Variants in HOXA10 observed in about 807,000 individuals in gnomAD.
The protein encoded by HOXA10 is homeobox A10.
Under a neutral mutation model 29.7 loss-of-function variants are expected in HOXA10, and 12 were observed. The observed-to-expected ratio is 0.40, with a 90% CI of 0.26 to 0.65. HOXA10 has a LOEUF of 0.65. Ranked by LOEUF, HOXA10 falls within the 30% of genes least tolerant of loss-of-function variation. The pLI is 0.37. For synonymous variants in HOXA10, 327 were observed against 280.7 expected (o/e 1.16, Z -1.65); for missense variants, 656 against 585.9 (o/e 1.12, Z -1.24).
Position 27,173,521 on chromosome 7 carries a change from A to G in HOXA10, c.786T>C (p.Asp262=), listed in dbSNP as rs1783566060. Residue 262 remains aspartate (D), a synonymous_variant, in exon 1 of 2, where the codon GAT becomes GAC. Transcript: ENST00000283921. ...CGAGGGCTCGCTCCTTCCGGGCCGC[A>G]TCGGCCGAGCCGGAGGCTAGCGCGG... ...LPPALASGSA[D]AARKERALDS... The G allele has an allele frequency of 1.4e-6, 2 of 1,463,352 alleles. No individual in the cohort carries two copies. Among genetic ancestry groups the G allele is most frequent in the Non-Finnish European group, 1.8e-6 (2 of 1,116,622 alleles). The allele number at this position is 1,463,352 out of a possible 1,614,324, so 90.6% of individuals were successfully genotyped here. A position where few individuals can be genotyped will look rare whatever the true frequency, so the allele number is the denominator to read the frequency against.
upstream of HOXA10, among the ~76,000 whole-genome samples, chr7:27,179,246 G>A (rs1583437728): frequency 4.6e-5 from 7 of 151,874 alleles, no homozygotes; most frequent in South Asian, 1.5e-3. Context: ...CGCCTTAGCG[G>A]CCGCAGACTT....
In HOXA10 at chr7:27,171,868, A is replaced by G; in HGVS notation, c.*31T>C. 1 of 1,613,190 alleles carries G rather than the reference A, an allele frequency of 6.2e-7. No individual in the cohort carries two copies. Among genetic ancestry groups the G allele is most frequent in the Non-Finnish European group, 8.5e-7 (1 of 1,179,234 alleles). On this transcript the variant is annotated 3_prime_UTR_variant, in exon 2 of 2. Transcript: ENST00000283921. ...CAGAGGGAGGGGACCAGCGCTCGGG[A>G]AGTGAAAAAACCGCGTCGCCTGGAG... is the stretch of plus-strand genomic sequence containing the variant.
In HOXA10 at chr7:27,173,603, T is replaced by G; in HGVS notation, c.704A>C (p.Gln235Pro). The change falls in exon 1 of 2, where the codon CAA becomes CCA. Residue 235 changes from glutamine (Q) to proline (P), a missense_variant. Transcript: ENST00000283921. ...CGCGGGGAACGGGCCAGCCCCGAGT[T>G]GCTGCGCGCCGCCGCCGCCGCTGCC... ...GYGSGGGGAQ[Q>P]LGAGPFPAQP... 6.5e-7 allele frequency: 1 copy of G among 1,531,352 alleles called. No homozygotes were observed. 94.9% of individuals were successfully genotyped at this position (1,531,352 alleles called of 1,614,324 possible). A position where few individuals can be genotyped will look rare whatever the true frequency, so the allele number is the denominator to read the frequency against.
At chr7:27,173,173 G>T (rs1783547060) in intron 1 of HOXA10, among the ~76,000 whole-genome samples, 176 bp downstream of exon 1, 2 of 152,250 alleles carry the variant, frequency 1.3e-5, no homozygotes, top group South Asian at 4.1e-4. Flanking sequence ...AGCCGGACAT[G>T]AATTTTACTG....
chr7:27,176,789 A>G (rs193276010), upstream of HOXA10, among the ~76,000 whole-genome samples: 48 of 152,370 alleles, frequency 3.2e-4, 1 homozygote, highest in Admixed American at 2.9e-3. Flanking sequence ...AGTAAAAGAC[A>G]ATGATCTTAA....
chr7:27,173,532 C>A lies in HOXA10; in HGVS notation c.775G>T (p.Gly259Cys). The A allele has an allele frequency of 1.4e-6, 2 of 1,455,256 alleles. No homozygotes were observed. Among genetic ancestry groups the A allele is most frequent in the Non-Finnish European group, 1.8e-6 (2 of 1,112,612 alleles). The allele number at this position is 1,455,256 out of a possible 1,614,324, so 90.1% of individuals were successfully genotyped here. ...TCCTTCCGGGCCGCATCGGCCGAGC[C>A]GGAGGCTAGCGCGGGCGGGAGATCG... ...GFDLPPALAS[G>C]SADAARKERA... Residue 259 changes from glycine to cysteine, a missense_variant, in exon 1 of 2, where the codon GGC (glycine) becomes TGC (cysteine). Transcript: ENST00000283921.
At chr7:27,177,520 C>T (rs139065674), upstream of HOXA10, among the ~76,000 whole-genome samples, 57 of 152,260 alleles carry the variant, frequency 3.7e-4, no homozygotes, top group African/African-American at 1.3e-3. Flanking sequence ...TCAAGTTAAA[C>T]GCCTCCTTGG....
rs1362891672 is a variant in HOXA10 at position 27,173,866 on chromosome 7, T to TGGTTGCGGC, written c.432_440dup (p.Pro148_Pro150dup). 2.5e-6 allele frequency: 4 copies of TGGTTGCGGC among 1,597,364 alleles called. No individual in the cohort carries two copies. The highest frequency in any genetic ancestry group is 3.4e-6 in the Non-Finnish European group (4 of 1,173,246). ...AGGTGGCCTGCGGCGCTGGCTGGGG[T>TGGTTGCGGC]GGTTGCGGCGGGGGCGGCGGCTGCT... On this transcript the variant is annotated inframe_insertion, in exon 1 of 2. Coordinates refer to ENST00000283921, the MANE Select transcript of HOXA10 (RefSeq NM_018951.4).
intron 1 of HOXA10, 151 bp downstream of exon 1, chr7:27,173,198 A>G: frequency 1.5e-6 from 2 of 1,306,664 alleles, no homozygotes; most frequent in Non-Finnish European, 2.1e-6. Flanking sequence ...CCCACGCCCA[A>G]ATATTAAAAA....
chr7:27,173,647 G>T lies in HOXA10; in HGVS notation c.660C>A (p.Tyr220Ter). Residue 220 changes from tyrosine (Y) to a stop codon, truncating the protein, a stop_gained, in exon 1 of 2, where the codon TAC becomes TAA. Transcript: ENST00000283921. LOFTEE classifies it high-confidence loss of function. Reference protein sequence around the residue: ...VPGYFRLSQAYGTAKGYGSGG... With the variant: ...VPGYFRLSQA ...CGCTGCCATAGCCCTTGGCGGTGCC[G>T]TAGGCCTGAGAAAGGCGGAAGTAGC... 6.5e-7 allele frequency: 1 copy of T among 1,546,744 alleles called. No homozygotes were observed.
At position 27,170,761 on chromosome 7, in the gene HOXA10, A is replaced by G. The variant is rs1022800895; in HGVS notation, c.*1138T>C. 3 of 449,884 alleles carry G rather than the reference A, an allele frequency of 6.7e-6. No individual in the cohort carries two copies. The Admixed American group carries it at 7.2e-5, about 11-fold the overall frequency. 27.9% of individuals were successfully genotyped at this position (449,884 alleles called of 1,614,324 possible). A position where few individuals can be genotyped will look rare whatever the true frequency, so the allele number is the denominator to read the frequency against. ...ATAGAATGCATTTGCTTAAAACAAG[A>G]TTGGCAATTCTTCATAATAATAGAC... On this transcript the variant is annotated 3_prime_UTR_variant, in exon 2 of 2. Coordinates refer to ENST00000283921, the MANE Select transcript of HOXA10 (RefSeq NM_018951.4).
chr7:27,173,082 G>C (rs747462685), intron 1 of HOXA10: 1 of 557,172 alleles, frequency 1.8e-6, no homozygotes, highest in African/African-American at 1.9e-5. Context: ...GCGCACAGGA[G>C]GGGGCCTGCT....
Position 27,173,968 on chromosome 7 carries a change from C to T in HOXA10, c.339G>A (p.Ser113=). 1.3e-6 allele frequency: 2 copies of T among 1,529,054 alleles called. No individual in the cohort carries two copies. Among genetic ancestry groups the T allele is most frequent in the Non-Finnish European group, 1.8e-6 (2 of 1,141,964 alleles). The allele number at this position is 1,529,054 out of a possible 1,614,324, so 94.7% of individuals were successfully genotyped here. A position where few individuals can be genotyped will look rare whatever the true frequency, so the allele number is the denominator to read the frequency against. Residue 113 remains serine (S), a synonymous_variant, in exon 1 of 2, where the codon TCG becomes TCA. Coordinates refer to ENST00000283921, the MANE Select transcript of HOXA10 (RefSeq NM_018951.4). ...GCGCGTCTAGCCACAGGTCTATGGG[C>T]GAGGGCCCGTAGCCGTGCGCCCCGG... ...LGPGAHGYGP[S]PIDLWLDAPR...
rs1425221169 is a variant in HOXA10, at chr7:27,174,214, G to A, written c.93C>T (p.Val31=). ...CTCTGCCCGAGCTGATGAGCGAGTC[G>A]ACCAAAAAAGAGTTCGCGGCGGGGC... ...SESPAANSFL[V]DSLISSGRGE... The change falls in exon 1 of 2, where the codon GTC becomes GTT. Residue 31 remains valine, a synonymous_variant. Transcript: ENST00000283921. 6.2e-7 allele frequency: 1 copy of A among 1,601,352 alleles called. No homozygotes were observed. The highest frequency in any genetic ancestry group is 8.5e-7 in the Non-Finnish European group (1 of 1,179,826).
At position 27,170,811 on chromosome 7, in the gene HOXA10, T is replaced by G. The variant is rs79213620; in HGVS notation, c.*1088A>C. 1.0e-4 allele frequency: 45 copies of G among 430,600 alleles called. 2 individuals carry two copies. The highest frequency in any genetic ancestry group is 6.0e-4 in the South Asian group (37 of 62,148). 26.7% of individuals were successfully genotyped at this position (430,600 alleles called of 1,614,324 possible). ...CATTTATACAGATTTGTATTTATAG[T>G]TTTTTTCTTTTTCTGCATCTACAGG... is the stretch of plus-strand genomic sequence containing the variant. On this transcript the variant is annotated 3_prime_UTR_variant, in exon 2 of 2. Coordinates refer to ENST00000283921, the MANE Select transcript of HOXA10 (RefSeq NM_018951.4).
upstream of HOXA10, among the ~76,000 whole-genome samples, chr7:27,176,720 C>G (rs1330729862): frequency 1.3e-5 from 2 of 152,244 alleles, no homozygotes; most frequent in Non-Finnish European, 2.9e-5. Flanking sequence ...AGCAACTTCC[C>G]AGGCCGACAT....
chr7:27,172,277 T>A, intron 1 of HOXA10, 104 bp from the exon 2 acceptor site: 1 of 1,224,346 alleles, frequency 8.2e-7, no homozygotes, highest in Admixed American at 1.8e-5. Context: ...ATGTCCCAAG[T>A]CACAGAGAAG....
rs1454381180 is a variant in HOXA10, at chr7:27,171,027, G to C, written c.*872C>G. On this transcript the variant is annotated 3_prime_UTR_variant, in exon 2 of 2. Coordinates refer to ENST00000283921, the MANE Select transcript of HOXA10 (RefSeq NM_018951.4). The stretch of plus-strand genomic sequence containing the variant: ...ACTTCACAAGATAGGGAGAATTGTG[G>C]TGTGCTTGTCACATGTTACCAGTGG... 2 of 453,410 alleles carry C rather than the reference G, an allele frequency of 4.4e-6. No individual in the cohort carries two copies. The highest frequency in any genetic ancestry group is 2.0e-5 in the African/African-American group (1 of 49,832). The allele number at this position is 453,410 out of a possible 1,614,324, so 28.1% of individuals were successfully genotyped here.
chr7:27,174,543 T>C (rs563437790), upstream of HOXA10, among the ~76,000 whole-genome samples: 1 of 152,338 alleles, frequency 6.6e-6, no homozygotes, highest in African/African-American at 2.4e-5. Context: ...CTGTGGGGGC[T>C]GCCCCAACGT....
Sources: allele counts gnomAD v4.1 joint callset (sites outside exome capture counted in the v4.1 genomes callset), GRCh38; gene constraint gnomAD v4.1.1; transcripts MANE v1.5; gene names NCBI Gene and HGNC (gene_info 2026-07-23, HGNC 2026-07-21).